DHX8: variants seen among roughly 807,000 people sequenced by gnomAD.
The protein encoded by DHX8 is ATP-dependent RNA helicase DHX8.
Under a neutral mutation model 140.7 loss-of-function variants are expected in DHX8, and 67 were observed. That is an observed-to-expected ratio of 0.48 (90% CI 0.39 to 0.58). The LOEUF (loss-of-function observed/expected upper bound fraction) is 0.58. Ranked by LOEUF, DHX8 falls within the 20% of genes least tolerant of loss-of-function variation. DHX8 has a pLI of 0.00. For synonymous variants in DHX8, 533 were observed against 553.2 expected (o/e 0.96, Z 0.51); for missense variants, 887 against 1,550.7 (o/e 0.57, Z 7.19).
chr17:43,522,444 T>C lies in DHX8; in HGVS notation c.3443+218T>C, dbSNP rs1297662020. On this transcript the variant is annotated intron_variant, in intron 22 of 22. Coordinates refer to ENST00000262415, the MANE Select transcript of DHX8 (RefSeq NM_004941.3). The stretch of plus-strand genomic sequence containing the variant: ...GTGAGACCTAGTTGAAAAAAAAAAT[T>C]GTGGTTTAAAAAACTACGTAGTGGC... Among the ~76,000 whole-genome samples, 3 of 151,650 alleles carry C rather than the reference T, an allele frequency of 2.0e-5. No homozygotes were observed. The East Asian group carries it at 5.8e-4, about 29-fold the overall frequency.
At chr17:43,484,278 G>A (rs1404580476) in intron 1 of DHX8, 93 bp downstream of exon 1, 25 of 1,387,424 alleles carry the variant, frequency 1.8e-5, no homozygotes, top group Non-Finnish European at 2.2e-5. Flanking sequence ...TGGACCGAAA[G>A]TATGTTCGTG....
intron 17 of DHX8, among the ~76,000 whole-genome samples, chr17:43,515,981 T>A (rs1446726114): frequency 1.3e-5 from 2 of 152,120 alleles, no homozygotes; most frequent in African/African-American, 2.4e-5. Context: ...ACATTTTTTT[T>A]AATTAAAAAA....
chr17:43,526,570 AC>A, downstream of DHX8: 1 of 1,535,610 alleles, frequency 6.5e-7, no homozygotes, highest in Non-Finnish European at 8.7e-7. Flanking sequence ...GAGGATTTGA[AC>A]AAAGAACTGG....
At chr17:43,509,794 G>A (rs1050822161) in intron 16 of DHX8, among the ~76,000 whole-genome samples, 2 of 151,668 alleles carry the variant, frequency 1.3e-5, no homozygotes, top group Admixed American at 6.6e-5. Flanking sequence ...TCAGCCTCCC[G>A]AGTAGCTGGG....
intron 4 of DHX8, 64 bp downstream of exon 4, chr17:43,491,314 C>A: frequency 1.1e-6 from 1 of 895,200 alleles, no homozygotes; most frequent in Non-Finnish European, 1.6e-6. Context: ...TTCTTTGTCT[C>A]ATAGTAATTT....
Position 43,522,165 on chromosome 17 carries a change from A to G in DHX8, c.3382A>G (p.Ile1128Val). The G allele has an allele frequency of 6.2e-7, 1 of 1,614,098 alleles. No individual in the cohort carries two copies. Among genetic ancestry groups the G allele is most frequent in the Non-Finnish European group, 8.5e-7 (1 of 1,179,988 alleles). The change falls in exon 22 of 23, where the codon ATC (isoleucine) becomes GTC (valine). Residue 1128 changes from isoleucine (I) to valine (V), a missense_variant. Transcript: ENST00000262415. ...KDPQEGYRTL[I>V]DQQVVYIHPS... ...CCCGCAGGAGGGTTACCGGACACTG[A>G]TCGACCAGCAGGTGGTCTATATCCA...
chr17:43,504,966 A>C, intron 12 of DHX8, 141 bp downstream of exon 12: 1 of 826,678 alleles, frequency 1.2e-6, no homozygotes, highest in South Asian at 2.0e-5. Context: ...AGAAGGATAA[A>C]ACTTTCTAAA....
At chr17:43,520,982 T>C (rs1970348727) in intron 20 of DHX8, 103 bp downstream of exon 20, 1 of 1,288,470 alleles carries the variant, frequency 7.8e-7, no homozygotes, top group African/African-American at 1.6e-5. Flanking sequence ...TTTTTTTTTT[T>C]TTTTTTGAGA....
Position 43,492,286 on chromosome 17 carries a change from A to G in DHX8, c.497A>G (p.Glu166Gly). Residue 166 changes from glutamate to glycine, a missense_variant, in exon 5 of 23, where the codon GAA (glutamate) becomes GGA (glycine). Coordinates refer to ENST00000262415, the MANE Select transcript of DHX8 (RefSeq NM_004941.3). ...GGCCAGGAGAAGCAAAGAGATGCTG[A>G]ACACCGGTTTGTCCTTAGTGTCCTG... ...AAGQEKQRDA[E>G]HRDRTKKKKR... 6.2e-7 allele frequency: 1 copy of G among 1,613,246 alleles called. No individual in the cohort carries two copies. The highest frequency in any genetic ancestry group is 2.2e-5 in the East Asian group (1 of 44,874).
downstream of DHX8, chr17:43,530,467 G>C: frequency 7.5e-7 from 1 of 1,330,226 alleles, no homozygotes; most frequent in Non-Finnish European, 9.7e-7. Context: ...CCAGGGAGCA[G>C]CTGTTTCCTG....
intron 9 of DHX8, among the ~76,000 whole-genome samples, chr17:43,498,052 A>C (rs988387036): frequency 3.3e-5 from 5 of 152,072 alleles, no homozygotes; most frequent in Non-Finnish European, 1.5e-5. Flanking sequence ...GGGCTGGAGC[A>C]CAAATGCTCT....
At chr17:43,488,560 G>A (rs1186421186) in intron 1 of DHX8, among the ~76,000 whole-genome samples, 2 of 145,506 alleles carry the variant, frequency 1.4e-5, no homozygotes, top group Non-Finnish European at 3.0e-5. Flanking sequence ...GCAGTGAGCC[G>A]ATATCGCACC....
downstream of DHX8, chr17:43,528,693 G>C (rs1182601953): frequency 6.2e-7 from 1 of 1,614,184 alleles, no homozygotes; most frequent in South Asian, 1.1e-5. Context: ...CCAAAGAGAA[G>C]AGGGCCTCGG....
At position 43,493,497 on chromosome 17, in the gene DHX8, G is replaced by A. The variant is rs1368497873; in HGVS notation, c.916G>A (p.Val306Met). The A allele has an allele frequency of 6.2e-7, 1 of 1,614,094 alleles. No homozygotes were observed. The highest frequency in any genetic ancestry group is 8.5e-7 in the Non-Finnish European group (1 of 1,180,042). The change falls in exon 7 of 23, where the codon GTG (valine) becomes ATG (methionine). Residue 306 changes from valine to methionine, a missense_variant. Around this residue, in one of 9 missense-constraint regions of DHX8, gnomAD observed 98 missense variants for 152.7 expected, o/e 0.64. Transcript: ENST00000262415. ...HISELRREGR[V>M]ANVADVVSKG... ...CTCTGAGCTCCGGCGGGAGGGTCGT[G>A]TGGCCAATGTAGCTGATGTCGTGAG...
At chr17:43,491,661 A>T (rs1218865530) in intron 4 of DHX8, among the ~76,000 whole-genome samples, 3 of 152,226 alleles carry the variant, frequency 2.0e-5, no homozygotes, top group South Asian at 2.1e-4. Flanking sequence ...GGATAACAGC[A>T]GTGAACAGAA....
intron 19 of DHX8, 84 bp downstream of exon 19, chr17:43,520,351 C>G: frequency 6.7e-7 from 1 of 1,501,740 alleles, no homozygotes; most frequent in African/African-American, 1.4e-5. Context: ...CAAAATCAGG[C>G]TGAGGCCGTG....
At position 43,523,852 on chromosome 17, in the gene DHX8, C is replaced by A. The variant is rs751737395; in HGVS notation, c.*5C>A. On this transcript the variant is annotated 3_prime_UTR_variant, in exon 23 of 23. Transcript: ENST00000262415. The stretch of plus-strand genomic sequence containing the variant: ...CGAGCTTTCCGACGGCGCTGAAAGG[C>A]AAGATTGTTCCTTTGCCTCTCCAGC... The A allele has an allele frequency of 1.9e-6, 3 of 1,613,918 alleles. No individual in the cohort carries two copies. In the African/African-American group the frequency reaches 4.0e-5, roughly 22 times the overall value.
chr17:43,490,306 C>T, intron 2 of DHX8, 85 bp from the exon 3 acceptor site: 4 of 1,008,280 alleles, frequency 4.0e-6, no homozygotes, highest in Non-Finnish European at 6.1e-6. Flanking sequence ...AACCACCCTT[C>T]CCTACAGGAC....
intron 2 of DHX8, chr17:43,533,923 C>G: frequency 6.3e-7 from 1 of 1,585,574 alleles, no homozygotes; most frequent in Non-Finnish European, 8.5e-7. Context: ...CAGGACAGGG[C>G]CGGGTCTGTG....
Sources: allele counts gnomAD v4.1 joint callset (sites outside exome capture counted in the v4.1 genomes callset), GRCh38; gene constraint gnomAD v4.1.1; regional missense constraint gnomAD v4.1.1; transcripts MANE v1.5; gene names NCBI Gene and HGNC (gene_info 2026-07-23, HGNC 2026-07-21).